KRT77: variants seen among roughly 807,000 people sequenced by gnomAD.
The protein encoded by KRT77 is keratin 77.
KRT77 carries 44 observed loss-of-function variants against 51.5 expected under a neutral mutation model. That is an observed-to-expected ratio of 0.85 (90% confidence interval 0.67 to 1.10). KRT77 has a LOEUF of 1.10. Ranked by LOEUF, KRT77 falls within the 50% of genes least tolerant of loss-of-function variation. KRT77 has a pLI of 0.00. For missense variants in KRT77, 763 were observed against 743.9 expected (o/e 1.03, Z -0.30); for synonymous variants, 293 against 302.0 (o/e 0.97, Z 0.31).
intron 5 of KRT77, 28 bp from the exon 6 acceptor site, chr12:52,692,908 G>T: frequency 6.2e-7 from 1 of 1,600,220 alleles, no homozygotes. Flanking sequence ...ATCATAGTCA[G>T]CATGTGCTGC....
chr12:52,691,238 C>T lies in KRT77; in HGVS notation c.1664G>A (p.Ser555Asn), dbSNP rs1277135272. ...CTGCACGCGCGAGGATCCGCGGCCG[C>T]TTCTGCCGCTCCCTCCGTAGCTCCC... ...GGGSYGGSGR[S>N]GRGSSRVQII... The change falls in exon 9 of 9, where the codon AGC (serine) becomes AAC (asparagine). Residue 555 changes from serine (S) to asparagine (N), a missense_variant. Coordinates refer to ENST00000341809, the MANE Select transcript of KRT77 (RefSeq NM_175078.3). The T allele has an allele frequency of 6.2e-7, 1 of 1,613,380 alleles. No homozygotes were observed. Among genetic ancestry groups the T allele is most frequent in the Non-Finnish European group, 8.5e-7 (1 of 1,179,732 alleles).
chr12:52,692,297 T>A (rs1941722803), intron 7 of KRT77, 124 bp downstream of exon 7: 1 of 1,056,506 alleles, frequency 9.5e-7, no homozygotes, highest in Non-Finnish European at 1.4e-6. Flanking sequence ...GGAATGTTTC[T>A]GCTCACCCTG....
In KRT77 at chr12:52,703,184, T is replaced by C. The variant is rs1364026560; in HGVS notation, c.251A>G (p.Gln84Arg). The change falls in exon 1 of 9, where the codon CAG becomes CGG. Residue 84 changes from glutamine (Q) to arginine (R), a missense_variant. Gln to Arg is a conservative substitution (Grantham distance 43). Transcript: ENST00000341809. ...TCCAAATCCCCCTACTCCCCCACCC[T>C]GGCAGAAACCACTGGTGCTCCTCCC... ...LMGRSTSGFCQGGGVGGFGGG... is the reference protein window; with the variant it reads ...LMGRSTSGFCRGGGVGGFGGG... 1.7e-5 allele frequency: 17 copies of C among 1,027,376 alleles called. No individual in the cohort carries two copies. Among genetic ancestry groups the C allele is most frequent in the African/African-American group, 2.2e-5 (1 of 45,246 alleles). The allele number at this position is 1,027,376 out of a possible 1,614,324, so 63.6% of individuals were successfully genotyped here. A position where few individuals can be genotyped will look rare whatever the true frequency, so the allele number is the denominator to read the frequency against.
chr12:52,701,454 G>A (rs1348705051), intron 1 of KRT77, among the ~76,000 whole-genome samples: 1 of 152,168 alleles, frequency 6.6e-6, no homozygotes, highest in Non-Finnish European at 1.5e-5. Context: ...CTGCCACCCA[G>A]TATGGCCTCT....
chr12:52,693,003 T>C (rs1941740194), intron 5 of KRT77, 123 bp from the exon 6 acceptor site: 1 of 1,085,342 alleles, frequency 9.2e-7, no homozygotes, highest in Admixed American at 2.3e-5. Context: ...TGGTCACCCC[T>C]ACATGCATAC....
chr12:52,702,891 C>T lies in KRT77; in HGVS notation c.543+1G>A. ...ACCCTCCCTGCCCCTGAGGTGCTCA[C>T]CTTGTCAATGAAGGAGGCAAACTTG... On this transcript the variant is annotated splice_donor_variant, in intron 1 of 8. Transcript: ENST00000341809. LOFTEE classifies it high-confidence loss of function. 6.2e-7 allele frequency: 1 copy of T among 1,613,896 alleles called. No homozygotes were observed. The highest frequency in any genetic ancestry group is 8.5e-7 in the Non-Finnish European group (1 of 1,179,952).
chr12:52,694,995 G>T, intron 4 of KRT77: 1 of 373,580 alleles, frequency 2.7e-6, no homozygotes. Context: ...GCCTAAACCT[G>T]GAGCGTTCAG....
chr12:52,699,311 G>C lies in KRT77; in HGVS notation c.544-1415C>G, dbSNP rs191169970. On this transcript the variant is annotated intron_variant, in intron 1 of 8. Transcript: ENST00000341809. ...AGAGTCTCCACATAAAACAATGAGG[G>C]AGCAGTGACACAACTCTGGGTGCTC... is the stretch of plus-strand genomic sequence containing the variant. Among the ~76,000 whole-genome samples, 83 of 152,282 alleles carry C rather than the reference G, an allele frequency of 5.5e-4. 2 individuals are homozygous for C. The highest frequency in any genetic ancestry group is 2.9e-4 in the Non-Finnish European group (20 of 68,022).
In KRT77 at chr12:52,697,632, C is replaced by T. The variant is rs574211690; in HGVS notation, c.758+50G>A. ...GAAGCCGAATGTCTTGCCCCTGTGA[C>T]CAGTTTCCGGCCATGCTTCTCCCCT... is the stretch of plus-strand genomic sequence containing the variant. On this transcript the variant is annotated intron_variant, in intron 2 of 8. Coordinates refer to ENST00000341809, the MANE Select transcript of KRT77 (RefSeq NM_175078.3). The T allele has an allele frequency of 1.1e-5, 14 of 1,291,040 alleles. No homozygotes were observed. In the East Asian group the frequency reaches 3.8e-4, roughly 35 times the overall value. The allele number at this position is 1,291,040 out of a possible 1,614,324, so 80.0% of individuals were successfully genotyped here.
chr12:52,701,307 A>G (rs1236106942), intron 1 of KRT77, among the ~76,000 whole-genome samples: 1 of 152,250 alleles, frequency 6.6e-6, no homozygotes, highest in Non-Finnish European at 1.5e-5. Context: ...CCCACGCAGC[A>G]TGATCGGAAG....
At position 52,703,376 on chromosome 12, in the gene KRT77, C is replaced by A. The variant is rs200719250; in HGVS notation, c.59G>T (p.Ser20Ile). 8 of 1,612,912 alleles carry A rather than the reference C, an allele frequency of 5.0e-6. No homozygotes were observed. The highest frequency in any genetic ancestry group is 1.3e-5 in the African/African-American group (1 of 74,880). Residue 20 changes from serine to isoleucine, a missense_variant, in exon 1 of 9, where the codon AGT becomes ATT. Coordinates refer to ENST00000341809, the MANE Select transcript of KRT77 (RefSeq NM_175078.3). The part of the protein sequence containing the change: ...AFSSMSRRVY[S>I]TSSSAGSGGG... ...ACCAGAGCCTGCAGAAGAGCTGGTA[C>A]TATAAACCCGCCTGCTCATTGAACT...
Position 52,692,924 on chromosome 12 carries a change from A to G in KRT77, c.1081-44T>C, listed in dbSNP as rs370460100. On this transcript the variant is annotated intron_variant, in intron 5 of 8. Transcript: ENST00000341809. Reference sequence around the variant, plus strand: ...TCATAGTCAGCATGTGCTGCCCACCACAAGCCCCTCCAGGAGGGAGTAGGT... The same window carrying G: ...TCATAGTCAGCATGTGCTGCCCACCGCAAGCCCCTCCAGGAGGGAGTAGGT... The G allele has an allele frequency of 1.5e-5, 24 of 1,594,498 alleles. 1 individual carries two copies. In the African/African-American group the frequency reaches 2.8e-4, roughly 19 times the overall value.
chr12:52,701,721 T>A (rs1205081987), intron 1 of KRT77, among the ~76,000 whole-genome samples: 3 of 152,242 alleles, frequency 2.0e-5, no homozygotes, highest in Non-Finnish European at 4.4e-5. Context: ...GCTTTGGACC[T>A]AATCTGAAGT....
Position 52,702,932 on chromosome 12 carries a change from A to G in KRT77, c.503T>C (p.Ile168Thr). 2 of 1,613,988 alleles carry G rather than the reference A, an allele frequency of 1.2e-6. No homozygotes were observed. Among genetic ancestry groups the G allele is most frequent in the African/African-American group, 1.3e-5 (1 of 74,944 alleles). ...GGCAAACTTGTTGTTGAGAACCATA[A>G]TCTGCTCCCGCTCCTGGGTCTTGAT... is the stretch of plus-strand genomic sequence containing the variant. The part of the protein sequence containing the change: ...QRIKTQEREQ[I>T]MVLNNKFASF... Residue 168 changes from isoleucine (I) to threonine (T), a missense_variant, in exon 1 of 9, where the codon ATT becomes ACT. Coordinates refer to ENST00000341809, the MANE Select transcript of KRT77 (RefSeq NM_175078.3).
Position 52,702,959 on chromosome 12 carries a change from C to T in KRT77, c.476G>A (p.Arg159Lys), listed in dbSNP as rs769170187. ...LHLEVDPEIQ[R>K]IKTQEREQIM... ...CTGCTCCCGCTCCTGGGTCTTGATC[C>T]TCTGAATTTCAGGGTCCACCTCCAG... is the stretch of plus-strand genomic sequence containing the variant. The change falls in exon 1 of 9, where the codon AGG (arginine) becomes AAG (lysine). Residue 159 changes from arginine (R) to lysine (K), a missense_variant. Coordinates refer to ENST00000341809, the MANE Select transcript of KRT77 (RefSeq NM_175078.3). 3.8e-5 allele frequency: 62 copies of T among 1,613,942 alleles called. No individual in the cohort carries two copies. Among genetic ancestry groups the T allele is most frequent in the Non-Finnish European group, 3.9e-5 (46 of 1,180,024 alleles).
chr12:52,690,961 G>A lies in KRT77; in HGVS notation c.*204C>T, dbSNP rs1302970806. 5.9e-6 allele frequency: 4 copies of A among 682,070 alleles called. No homozygotes were observed. The highest frequency in any genetic ancestry group is 2.8e-5 in the Admixed American group (1 of 35,100). The allele number at this position is 682,070 out of a possible 1,614,324, so 42.3% of individuals were successfully genotyped here. ...TGAGAATGTGCCTAGCTGTGAATCTGACTGCAAGCCAGTGCCCTCCAAAGA... is the reference window on the plus strand; with the variant it reads ...TGAGAATGTGCCTAGCTGTGAATCTAACTGCAAGCCAGTGCCCTCCAAAGA... On this transcript the variant is annotated 3_prime_UTR_variant, in exon 9 of 9. Transcript: ENST00000341809.
chr12:52,693,251 C>T (rs1229625407), intron 5 of KRT77, among the ~76,000 whole-genome samples: 1 of 150,482 alleles, frequency 6.6e-6, no homozygotes, highest in Non-Finnish European at 1.5e-5. Context: ...AGCTTCCCAC[C>T]CTTTTCCAGG....
rs765531457 is a variant in KRT77 at position 52,691,196 on chromosome 12, G to C, written c.1706C>G (p.Thr569Ser). 8 of 1,614,124 alleles carry C rather than the reference G, an allele frequency of 5.0e-6. No individual in the cohort carries two copies. The South Asian group carries it at 6.6e-5, about 13-fold the overall frequency. Reference sequence around the variant, plus strand: ...CAAGATCCGCCTGTGGGAGGTGTTGGTGGAGGTCTGGATGATCTGCACGCG... The same window carrying C: ...CAAGATCCGCCTGTGGGAGGTGTTGCTGGAGGTCTGGATGATCTGCACGCG... ...SSRVQIIQTSTNTSHRRILE is the reference protein window; with the variant it reads ...SSRVQIIQTSSNTSHRRILE The change falls in exon 9 of 9, where the codon ACC becomes AGC. Residue 569 changes from threonine (T) to serine (S), a missense_variant. By Grantham distance (58) the Thr-to-Ser change is moderately conservative. Transcript: ENST00000341809.
Position 52,696,363 on chromosome 12 carries a change from C to T in KRT77, c.819+7G>A, listed in dbSNP as rs773042401. The T allele has an allele frequency of 6.2e-7, 1 of 1,613,992 alleles. No homozygotes were observed. The highest frequency in any genetic ancestry group is 1.1e-5 in the South Asian group (1 of 91,076). ...ACAGCCACCCTCAGGACTCCCCTTT[C>T]CCTCACCTTCTTCAGGACGACAAAG... On this transcript the variant is annotated splice_region_variant and intron_variant, in intron 3 of 8. Coordinates refer to ENST00000341809, the MANE Select transcript of KRT77 (RefSeq NM_175078.3).
Sources: allele counts gnomAD v4.1 joint callset (sites outside exome capture counted in the v4.1 genomes callset), GRCh38; gene constraint gnomAD v4.1.1; transcripts MANE v1.5; gene names NCBI Gene and HGNC (gene_info 2026-07-23, HGNC 2026-07-21).